Variants in AGAP1 observed in about 807,000 individuals in gnomAD.
AGAP1 encodes the protein arf-GAP with GTPase, ANK repeat and PH domain-containing protein 1.
In AGAP1, 29 loss-of-function variants were observed where a neutral mutation model predicts 105.3. That is an observed-to-expected ratio of 0.28 (90% confidence interval 0.21 to 0.38). The LOEUF is 0.38. AGAP1 is among the 10% of genes least tolerant of loss of function. AGAP1 has a pLI of 1.00. For missense variants in AGAP1, 998 were observed against 1,165.1 expected (o/e 0.86, Z 2.09); for synonymous variants, 509 against 485.9 (o/e 1.05, Z -0.63).
In AGAP1 at chr2:235,728,328, C is replaced by T. The variant is rs866684554; in HGVS notation, c.310+10684C>T. The stretch of plus-strand genomic sequence containing the variant: ...GTGTGTGTGTGTGTGTGTGTGTGTG[C>T]GTGCTCTTAAATCAATGTAAATTAG... On this transcript the variant is annotated intron_variant, in intron 3 of 17. Transcript: ENST00000304032. This position sits in a 1 kb window ranked among gnomAD's most constrained non-coding sequence, Gnocchi z 4.3. Among the ~76,000 whole-genome samples, 329 of 133,210 alleles carry T rather than the reference C, an allele frequency of 2.5e-3. No homozygotes were observed. Among genetic ancestry groups the T allele is most frequent in the African/African-American group, 9.6e-3 (311 of 32,468 alleles). 87.4% of individuals were successfully genotyped at this position (133,210 alleles called of 152,430 possible).
intron 13 of AGAP1, among the ~76,000 whole-genome samples, chr2:236,013,123 A>G (rs977785193): frequency 4.6e-5 from 7 of 152,236 alleles, no homozygotes; most frequent in African/African-American, 1.4e-4. Context: ...TCAAGAAGCA[A>G]CTAAATCACA....
chr2:235,915,160 A>G (rs2051811929), intron 11 of AGAP1, among the ~76,000 whole-genome samples: 1 of 152,178 alleles, frequency 6.6e-6, no homozygotes, highest in East Asian at 1.9e-4. Context: ...AAGGCTGCAG[A>G]GAAAACCCCT....
intron 1 of AGAP1, among the ~76,000 whole-genome samples, chr2:235,699,895 A>G (rs1352640463): frequency 2.0e-5 from 3 of 152,176 alleles, no homozygotes; most frequent in Non-Finnish European, 4.4e-5. Flanking sequence ...AGGCTGTAAA[A>G]TGTGTTTTGG....
In AGAP1 at chr2:235,842,249, G is replaced by C. The variant is rs75254441; in HGVS notation, c.1050+34918G>C. Among the ~76,000 whole-genome samples the C allele has an allele frequency of 0.058, 8,894 of 152,216 alleles. 840 individuals carry two copies. Among genetic ancestry groups the C allele is most frequent in the African/African-American group, 0.2 (8,259 of 41,498 alleles). ...TTCAGGGGTCCGCGAATGTGGCTGG[G>C]GGGAAATTCATTCGTATTTCCACTG... On this transcript the variant is annotated intron_variant, in intron 9 of 17. Transcript: ENST00000304032. This position sits in a 1 kb window ranked among gnomAD's most constrained non-coding sequence, Gnocchi z 5.3.
Position 236,067,435 on chromosome 2 carries a change from T to C in AGAP1, c.2114+18154T>C, listed in dbSNP as rs1205446940. On this transcript the variant is annotated intron_variant, in intron 16 of 17. Transcript: ENST00000304032. ...GACACTCTGAGCAAGTTCAGAAACA[T>C]CGTTAAAAATTATAATGAAAAATAC... is the stretch of plus-strand genomic sequence containing the variant. Among the ~76,000 whole-genome samples the C allele has an allele frequency of 2.6e-5, 4 of 152,076 alleles. No individual in the cohort carries two copies. In the East Asian group the frequency reaches 7.7e-4, roughly 29 times the overall value.
intron 10 of AGAP1, among the ~76,000 whole-genome samples, chr2:235,903,564 A>G (rs1050909383): frequency 2.0e-5 from 3 of 152,078 alleles, no homozygotes; most frequent in Non-Finnish European, 4.4e-5. Context: ...ATTTTTAGGG[A>G]CTGTTGATGG....
At chr2:235,949,053 G>A (rs1456351997) in intron 12 of AGAP1, among the ~76,000 whole-genome samples, 1 of 152,146 alleles carries the variant, frequency 6.6e-6, no homozygotes, top group Non-Finnish European at 1.5e-5. Flanking sequence ...GCCTAGATGG[G>A]GAGCAAGGCT....
rs539248623 is a variant in AGAP1 at position 235,871,427 on chromosome 2, G to A, written c.1051-11918G>A. Among the ~76,000 whole-genome samples, 54 of 152,258 alleles carry A rather than the reference G, an allele frequency of 3.5e-4. No individual in the cohort carries two copies. In the South Asian group the frequency reaches 1.0e-2, roughly 28 times the overall value. On this transcript the variant is annotated intron_variant, in intron 9 of 17. Transcript: ENST00000304032. ...ACCCATCCCCCTGCGTGGGGTGGCC[G>A]GGAGGGGGCAGGTTGCTAATTGCCC...
rs559839614 is a variant in AGAP1, at chr2:235,799,556, G to C, written c.957+34G>C. ...CAACCCTGGGTGGAGATTTGAATGC[G>C]ATTCCGAAGCGTTCCCATTAACGTA... On this transcript the variant is annotated intron_variant, in intron 8 of 17. Transcript: ENST00000304032. This position sits in a 1 kb window ranked among gnomAD's most constrained non-coding sequence, Gnocchi z 5.0. The C allele has an allele frequency of 1.9e-6, 3 of 1,606,616 alleles. No homozygotes were observed. The South Asian group carries it at 3.3e-5, about 18-fold the overall frequency.
rs532177196 is a variant in AGAP1 at position 235,729,677 on chromosome 2, G to A, written c.311-11286G>A. 3.3e-5 allele frequency among the ~76,000 whole-genome samples: 5 copies of A among 152,234 alleles called. No individual in the cohort carries two copies. The stretch of plus-strand genomic sequence containing the variant: ...GCCTCCTTCCATTAAAGCCATTACA[G>A]TGTCACCACAGGATTGTAAGAATTA... On this transcript the variant is annotated intron_variant, in intron 3 of 17. Transcript: ENST00000304032. This position sits in a 1 kb window ranked among gnomAD's most constrained non-coding sequence, Gnocchi z 5.0.
chr2:236,110,539 G>A (rs1289344405), intron 16 of AGAP1, among the ~76,000 whole-genome samples: 1 of 152,116 alleles, frequency 6.6e-6, no homozygotes, highest in Admixed American at 6.6e-5. Flanking sequence ...CTCTAGTCTG[G>A]GTGATAAAGC....
intron 9 of AGAP1, among the ~76,000 whole-genome samples, chr2:235,876,570 G>A (rs2049741563): frequency 1.3e-5 from 2 of 152,176 alleles, no homozygotes; most frequent in Admixed American, 6.5e-5. Flanking sequence ...CCAGTGCTGT[G>A]TGGCTGATAC....
At chr2:235,884,469 T>TTTTTTC (rs57639994) in intron 10 of AGAP1, among the ~76,000 whole-genome samples, 2,021 of 150,398 alleles carry the variant, frequency 0.013, 38 homozygotes, top group African/African-American at 0.044. Flanking sequence ...TTTTTTTTTT[T>TTTTTTC]GAGAGGAGTC....
At chr2:235,778,520 G>A (rs55961214) in intron 6 of AGAP1, among the ~76,000 whole-genome samples, 28,399 of 144,788 alleles carry the variant, frequency 0.2, 3,486 homozygotes, top group Admixed American at 0.37. Flanking sequence ...TCACTCACTC[G>A]CTCCTTATCT....
chr2:235,579,620 AAAG>A (rs1335426229), intron 1 of AGAP1, among the ~76,000 whole-genome samples: 3 of 152,042 alleles, frequency 2.0e-5, no homozygotes, highest in Non-Finnish European at 4.4e-5. Context: ...CTAAAAATAC[AAAG>A]AAATTAGCCG....
rs1365798088 is a variant in AGAP1, at chr2:235,721,739, T to C, written c.310+4095T>C. The stretch of plus-strand genomic sequence containing the variant: ...TCCTTTATATTCTAATCCTGACCCA[T>C]GGCTGGGATATGTAGATTGCTGGGA... On this transcript the variant is annotated intron_variant, in intron 3 of 17. Coordinates refer to ENST00000304032, the MANE Select transcript of AGAP1 (RefSeq NM_001037131.3). The surrounding 1 kb of genome is among the most constrained non-coding windows in gnomAD (Gnocchi z 4.5). Among the ~76,000 whole-genome samples, 8 of 152,214 alleles carry C rather than the reference T, an allele frequency of 5.3e-5. No individual in the cohort carries two copies. Among genetic ancestry groups the C allele is most frequent in the African/African-American group, 1.9e-4 (8 of 41,452 alleles).
intron 9 of AGAP1, among the ~76,000 whole-genome samples, chr2:235,856,295 T>C (rs1423826320): frequency 6.6e-6 from 1 of 152,208 alleles, no homozygotes; most frequent in African/African-American, 2.4e-5. Context: ...TACCCAGTGA[T>C]TCACCCAGAA....
At chr2:236,059,037 A>C (rs1184349020) in intron 16 of AGAP1, among the ~76,000 whole-genome samples, 1 of 152,128 alleles carries the variant, frequency 6.6e-6, no homozygotes, top group Non-Finnish European at 1.5e-5. Context: ...CTCTTAAAAA[A>C]TCAAAAAGGC....
At position 235,891,959 on chromosome 2, in the gene AGAP1, G is replaced by C. The variant is rs1436073955; in HGVS notation, c.1155+8510G>C. 6.6e-6 allele frequency among the ~76,000 whole-genome samples: 1 copy of C among 152,168 alleles called. No homozygotes were observed. Among genetic ancestry groups the C allele is most frequent in the Non-Finnish European group, 1.5e-5 (1 of 68,026 alleles). The stretch of plus-strand genomic sequence containing the variant: ...ACCTGAGGTCAGGAGTTCAAGACTA[G>C]CCTGGCCAATATGGTGAAACCCCAT... On this transcript the variant is annotated intron_variant, in intron 10 of 17. Coordinates refer to ENST00000304032, the MANE Select transcript of AGAP1 (RefSeq NM_001037131.3). This position sits in a 1 kb window ranked among gnomAD's most constrained non-coding sequence, Gnocchi z 4.2.
Sources: allele counts gnomAD v4.1 joint callset (sites outside exome capture counted in the v4.1 genomes callset), GRCh38; gene constraint gnomAD v4.1.1; non-coding constraint Gnocchi (gnomAD v3.1); transcripts MANE v1.5; gene names NCBI Gene and HGNC (gene_info 2026-07-23, HGNC 2026-07-21).